ACACB: variants seen among roughly 807,000 people sequenced by gnomAD.
The protein encoded by ACACB is acetyl-CoA carboxylase beta.
In ACACB, 209 loss-of-function variants were observed where a neutral mutation model predicts 278.8. The ratio of observed to expected loss-of-function variants is 0.75; its 90% CI spans 0.67 to 0.84. The LOEUF (loss-of-function observed/expected upper bound fraction) is 0.84, where lower values mean the gene tolerates loss of function less well. Among genes scored for constraint, ACACB ranks in the 40% least tolerant of loss-of-function variants. The pLI is 0.00. For synonymous variants in ACACB, 1,174 were observed against 1,285.6 expected (o/e 0.91, Z 1.86); for missense variants, 2,850 against 3,269.0 (o/e 0.87, Z 3.13).
intron 37 of ACACB, among the ~76,000 whole-genome samples, chr12:109,244,324 C>T (rs2046882320): frequency 6.6e-6 from 1 of 152,164 alleles, no homozygotes; most frequent in South Asian, 2.1e-4. Flanking sequence ...CTGGATCTGT[C>T]CCCTTGCTTC....
chr12:109,243,877 T>TTA lies in ACACB; in HGVS notation c.5178+1303_5178+1304dup, dbSNP rs145125502. 2.4e-3 allele frequency among the ~76,000 whole-genome samples: 355 copies of TTA among 146,916 alleles called. 1 individual carries two copies. The highest frequency in any genetic ancestry group is 8.7e-3 in the East Asian group (44 of 5,068). ...TTTCCAGGATTGCTTTGGAATGACA[T>TTA]TATATATATATATATATATTTATTT... On this transcript the variant is annotated intron_variant, in intron 37 of 52. Coordinates refer to ENST00000338432, the MANE Select transcript of ACACB (RefSeq NM_001093.4).
intron 13 of ACACB, 73 bp from the exon 14 acceptor site, chr12:109,191,540 A>G (rs1216827314): frequency 1.9e-6 from 3 of 1,577,792 alleles, no homozygotes; most frequent in Non-Finnish European, 2.6e-6. Flanking sequence ...AGTTCTCTGA[A>G]TCACATCATT....
chr12:109,225,881 C>T (rs2046299544), intron 27 of ACACB, among the ~76,000 whole-genome samples: 1 of 152,120 alleles, frequency 6.6e-6, no homozygotes, highest in Non-Finnish European at 1.5e-5. Flanking sequence ...ATATTGATTA[C>T]ATGTTGAAAT....
At chr12:109,144,750 C>CTTTTTTTTTTTTTTTTTTTTTT (rs770963307) in intron 2 of ACACB, among the ~76,000 whole-genome samples, 10 of 86,780 alleles carry the variant, frequency 1.2e-4, no homozygotes, top group Non-Finnish European at 2.1e-4. Context: ...TTCTTTCTTT[C>CTTTTTTTTTTTTTTTTTTTTTT]TTTCTTTTTT....
rs143900096 is a variant in ACACB at position 109,246,961 on chromosome 12, T to C, written c.5571+513T>C. ...TGATGGTGCCTGCCTGTAGTCAGCC[T>C]CAGCTACTTGGGAAGTTGAAGTGGG... On this transcript the variant is annotated intron_variant, in intron 39 of 52. Transcript: ENST00000338432. Among the ~76,000 whole-genome samples, 319 of 152,188 alleles carry C rather than the reference T, an allele frequency of 2.1e-3. 3 individuals are homozygous for C. Among genetic ancestry groups the C allele is most frequent in the African/African-American group, 7.2e-3 (301 of 41,524 alleles).
At position 109,212,010 on chromosome 12, in the gene ACACB, A is replaced by C. The variant is rs536364994; in HGVS notation, c.3250-826A>C. ...CCATGAGCACCCTGGTTTTTGCTAG[A>C]GTGGGACATTCCCATCTCCTTGTTC... is the stretch of plus-strand genomic sequence containing the variant. On this transcript the variant is annotated intron_variant, in intron 21 of 52. Transcript: ENST00000338432. Among the ~76,000 whole-genome samples the C allele has an allele frequency of 2.0e-5, 3 of 152,276 alleles. No individual in the cohort carries two copies. The South Asian group carries it at 6.2e-4, about 32-fold the overall frequency.
chr12:109,252,249 T>C (rs942816876), intron 42 of ACACB, 93 bp downstream of exon 42: 10 of 851,864 alleles, frequency 1.2e-5, no homozygotes, highest in East Asian at 5.7e-5. Context: ...TTTTTCTCAA[T>C]ATGAAGCCAG....
In ACACB at chr12:109,139,485, C is replaced by T. The variant is rs770693620; in HGVS notation, c.80C>T (p.Thr27Met). 19 of 1,614,022 alleles carry T rather than the reference C, an allele frequency of 1.2e-5. No homozygotes were observed. The highest frequency in any genetic ancestry group is 6.7e-5 in the African/African-American group (5 of 74,892). Residue 27 changes from threonine (T) to methionine (M), a missense_variant, in exon 2 of 53, where the codon ACG (threonine) becomes ATG (methionine). Around this residue, in one of 3 missense-constraint regions of ACACB, gnomAD observed 2,265 missense variants for 2,561.3 expected, o/e 0.88. Transcript: ENST00000338432. ...FSWLKIWGKM[T>M]DSKPITKSKS... The stretch of plus-strand genomic sequence containing the variant: ...TGGTTAAAAATCTGGGGGAAAATGA[C>T]GGACTCCAAGCCGATCACCAAGAGT...
chr12:109,202,424 T>G (rs1385742475), intron 19 of ACACB, among the ~76,000 whole-genome samples: 1 of 152,070 alleles, frequency 6.6e-6, no homozygotes, highest in Non-Finnish European at 1.5e-5. Flanking sequence ...AAGTGATTCT[T>G]CTGCCTCAGC....
intron 22 of ACACB, among the ~76,000 whole-genome samples, chr12:109,215,759 CTG>C (rs2045976468): frequency 6.6e-6 from 1 of 151,462 alleles, no homozygotes; most frequent in Non-Finnish European, 1.5e-5. Flanking sequence ...GAGCGAGACT[CTG>C]TTTCAAAAAA....
intron 1 of ACACB, among the ~76,000 whole-genome samples, chr12:109,121,741 G>A (rs2042554324): frequency 6.6e-6 from 1 of 152,174 alleles, no homozygotes; most frequent in African/African-American, 2.4e-5. Flanking sequence ...AGACACACCT[G>A]AGCTGGGTGC....
At chr12:109,247,868 C>G (rs1368603962) in intron 40 of ACACB, among the ~76,000 whole-genome samples, 165 bp downstream of exon 40, 1 of 152,200 alleles carries the variant, frequency 6.6e-6, no homozygotes, top group Non-Finnish European at 1.5e-5. Context: ...GTTAAACTCT[C>G]CAAGGTGAGT....
chr12:109,240,997 C>T (rs997654574), intron 35 of ACACB, 81 bp from the exon 36 acceptor site: 19 of 1,415,650 alleles, frequency 1.3e-5, no homozygotes, highest in Admixed American at 6.9e-5. Context: ...TATATCTCAT[C>T]CTCTTATTAG....
intron 7 of ACACB, among the ~76,000 whole-genome samples, 179 bp from the exon 8 acceptor site, chr12:109,175,752 T>C (rs776482793): frequency 6.6e-6 from 1 of 152,116 alleles, no homozygotes; most frequent in Non-Finnish European, 1.5e-5. Flanking sequence ...TCATTCAAGG[T>C]TGGGTTAGTT....
rs1320579694 is a variant in ACACB, at chr12:109,245,688, AT to A, written c.5243del (p.Leu1748Ter). ...YPKDILTYTE[L>X]VLDSQGQLVE... ...CCAAAGACATCCTGACATACACTGAATTAGTGTTGGACTCTCAGGGCCAGCT... is the reference window on the plus strand; with the variant it reads ...CCAAAGACATCCTGACATACACTGAATAGTGTTGGACTCTCAGGGCCAGCT... On this transcript the variant is annotated frameshift_variant, in exon 38 of 53. Coordinates refer to ENST00000338432, the MANE Select transcript of ACACB (RefSeq NM_001093.4). LOFTEE classifies it high-confidence loss of function. 6.2e-7 allele frequency: 1 copy of A among 1,614,140 alleles called. No homozygotes were observed. The highest frequency in any genetic ancestry group is 8.5e-7 in the Non-Finnish European group (1 of 1,179,980).
At chr12:109,160,176 A>G (rs2043679961) in intron 2 of ACACB, among the ~76,000 whole-genome samples, 1 of 152,052 alleles carries the variant, frequency 6.6e-6, no homozygotes, top group East Asian at 1.9e-4. Context: ...ATAAGAGGCC[A>G]TATGTGTAAT....
chr12:109,200,464 A>G (rs2045299135), intron 18 of ACACB, among the ~76,000 whole-genome samples: 1 of 152,156 alleles, frequency 6.6e-6, no homozygotes, highest in African/African-American at 2.4e-5. Context: ...GATTGCAGGC[A>G]TGAGCCACTG....
chr12:109,210,084 T>C (rs867039783), intron 21 of ACACB, among the ~76,000 whole-genome samples: 2 of 126,340 alleles, frequency 1.6e-5, no homozygotes, highest in South Asian at 4.7e-4. Flanking sequence ...TATATATGTA[T>C]ATATACACAC....
chr12:109,137,683 A>T (rs2043001977), intron 1 of ACACB, among the ~76,000 whole-genome samples: 1 of 151,974 alleles, frequency 6.6e-6, no homozygotes, highest in Non-Finnish European at 1.5e-5. Flanking sequence ...GGATTTTTAG[A>T]TACCAAATTG....
Sources: allele counts gnomAD v4.1 joint callset (sites outside exome capture counted in the v4.1 genomes callset), GRCh38; gene constraint gnomAD v4.1.1; regional missense constraint gnomAD v4.1.1; transcripts MANE v1.5; gene names NCBI Gene and HGNC (gene_info 2026-07-23, HGNC 2026-07-21).